The following MAN1A2 variants were observed in gnomAD, a reference collection of about 807,000 sequenced individuals.
MAN1A2 encodes the protein mannosidase alpha class 1A member 2.
Under a neutral mutation model 75.7 loss-of-function variants are expected in MAN1A2, and 26 were observed. The observed-to-expected ratio is 0.34, with a 90% CI of 0.25 to 0.48. The LOEUF is 0.48. Among genes scored for constraint, MAN1A2 ranks in the 20% least tolerant of loss-of-function variants. The probability of loss-of-function intolerance (pLI) is 0.99; values close to 1 mark genes in which losing one functional copy is unlikely to be tolerated. For missense variants in MAN1A2, 562 were observed against 775.5 expected (o/e 0.72, Z 3.27); for synonymous variants, 247 against 264.6 (o/e 0.93, Z 0.65).
chr1:117,370,738 A>AGTGTGTGTGTGTGTGTGTGT (rs71658400), intron 1 of MAN1A2, among the ~76,000 whole-genome samples: 19 of 148,214 alleles, frequency 1.3e-4, no homozygotes, highest in African/African-American at 4.0e-4. Context: ...ATCTTCATTT[A>AGTGTGTGTGTGTGTGTGTGT]GTGTGTGTGT....
intron 5 of MAN1A2, among the ~76,000 whole-genome samples, chr1:117,437,885 T>A (rs2101806591): frequency 6.6e-6 from 1 of 152,304 alleles, no homozygotes; most frequent in African/African-American, 2.4e-5. Context: ...GGAGAAAATT[T>A]GTTTATTTTA....
chr1:117,436,612 C>T (rs560114207), intron 5 of MAN1A2, among the ~76,000 whole-genome samples: 1 of 152,316 alleles, frequency 6.6e-6, no homozygotes, highest in South Asian at 2.1e-4. Flanking sequence ...CACAATTGTG[C>T]TTGTAGGGAT....
intron 5 of MAN1A2, among the ~76,000 whole-genome samples, chr1:117,437,469 A>T (rs528458302): frequency 1.3e-5 from 2 of 152,312 alleles, no homozygotes; most frequent in African/African-American, 4.8e-5. Context: ...AGAGGTATAC[A>T]CATCAATTAA....
At position 117,367,614 on chromosome 1, in the gene MAN1A2, T is replaced by G. The variant is rs1652809102; in HGVS notation, c.-570T>G. The G allele has an allele frequency of 6.6e-6, 1 of 152,344 alleles. No homozygotes were observed. The highest frequency in any genetic ancestry group is 6.5e-5 in the Admixed American group (1 of 15,294). The allele number at this position is 152,344 out of a possible 1,614,324, so 9.4% of individuals were successfully genotyped here. On this transcript the variant is annotated 5_prime_UTR_variant, in exon 1 of 13. Transcript: ENST00000356554. ...CCGGGAAGCGCGGGCGGCCGAGAACTCCTTCCTGCTACTTCGCCCAGCGCC... is the reference window on the plus strand; with the variant it reads ...CCGGGAAGCGCGGGCGGCCGAGAACGCCTTCCTGCTACTTCGCCCAGCGCC...
intron 5 of MAN1A2, among the ~76,000 whole-genome samples, chr1:117,429,215 C>T (rs1254699467): frequency 8.2e-5 from 12 of 145,558 alleles, no homozygotes; most frequent in African/African-American, 3.1e-4. Context: ...TCTACACAGA[C>T]ACGGCAACCA....
At chr1:117,503,350 G>C (rs1651258392) in intron 12 of MAN1A2, among the ~76,000 whole-genome samples, 2 of 151,382 alleles carry the variant, frequency 1.3e-5, no homozygotes, top group African/African-American at 2.4e-5. Context: ...TGCTGGTCCT[G>C]GACTCATACC....
rs529448621 is a variant in MAN1A2, at chr1:117,474,551, T to C, written c.1168+8124T>C. Among the ~76,000 whole-genome samples the C allele has an allele frequency of 2.8e-4, 43 of 151,296 alleles. No homozygotes were observed. In the South Asian group the frequency reaches 8.7e-3, roughly 31 times the overall value. ...ATATCTTTAGTAAAAATAGTATTTA[T>C]ATAGATTTAAAAAATTTCAGTTTGA... is the stretch of plus-strand genomic sequence containing the variant. On this transcript the variant is annotated intron_variant, in intron 8 of 12. Coordinates refer to ENST00000356554, the MANE Select transcript of MAN1A2 (RefSeq NM_006699.5).
intron 5 of MAN1A2, among the ~76,000 whole-genome samples, chr1:117,427,934 A>C (rs1189833976): frequency 2.6e-5 from 4 of 152,328 alleles, no homozygotes; most frequent in African/African-American, 9.6e-5. Context: ...AGGAAATGGA[A>C]CTACAAGATT....
At chr1:117,431,788 A>G (rs1255573830) in intron 5 of MAN1A2, among the ~76,000 whole-genome samples, 1 of 152,158 alleles carries the variant, frequency 6.6e-6, no homozygotes, top group Non-Finnish European at 1.5e-5. Flanking sequence ...CATCTCTACA[A>G]CAAATACAAA....
rs941880194 is a variant in MAN1A2 at position 117,517,566 on chromosome 1, A to C, written c.1794-5259A>C. Among the ~76,000 whole-genome samples the C allele has an allele frequency of 8.5e-5, 13 of 152,146 alleles. No individual in the cohort carries two copies. The East Asian group carries it at 1.7e-3, about 20-fold the overall frequency. On this transcript the variant is annotated intron_variant, in intron 12 of 12. Coordinates refer to ENST00000356554, the MANE Select transcript of MAN1A2 (RefSeq NM_006699.5). ...TAAAAATTAGTGAACTTGAAGACTT[A>C]GCAATGAAACTATCCAAAATGAAAC...
chr1:117,386,354 T>G (rs1570700426), intron 1 of MAN1A2, among the ~76,000 whole-genome samples: 1 of 152,272 alleles, frequency 6.6e-6, no homozygotes, highest in East Asian at 1.9e-4. Context: ...GAGAGGCAGC[T>G]TGGAAACATG....
chr1:117,489,991 G>T (rs1276901303), intron 8 of MAN1A2, among the ~76,000 whole-genome samples: 1 of 151,664 alleles, frequency 6.6e-6, no homozygotes, highest in East Asian at 1.9e-4. Context: ...CAGAGTTCAA[G>T]GATATAGGGC....
chr1:117,475,985 T>C (rs1650300254), intron 8 of MAN1A2, among the ~76,000 whole-genome samples: 1 of 152,196 alleles, frequency 6.6e-6, no homozygotes, highest in Non-Finnish European at 1.5e-5. Context: ...CCACCAACAA[T>C]GTAAAAGCAT....
At chr1:117,474,365 T>A (rs552865347) in intron 8 of MAN1A2, among the ~76,000 whole-genome samples, 90 of 147,180 alleles carry the variant, frequency 6.1e-4, no homozygotes, top group Non-Finnish European at 7.8e-4. Flanking sequence ...CAGTTTTATG[T>A]GGATCACCAG....
chr1:117,381,141 A>G (rs1425528394), intron 1 of MAN1A2, among the ~76,000 whole-genome samples: 1 of 151,824 alleles, frequency 6.6e-6, no homozygotes, highest in Non-Finnish European at 1.5e-5. Context: ...TTGTTCTCTT[A>G]ATTTTCTTTT....
chr1:117,472,250 ATCC>A (rs1650182872), intron 8 of MAN1A2, among the ~76,000 whole-genome samples: 1 of 152,050 alleles, frequency 6.6e-6, no homozygotes, highest in Admixed American at 6.6e-5. Flanking sequence ...GAAAAGGAAA[ATCC>A]TAAGTTAAAT....
intron 1 of MAN1A2, among the ~76,000 whole-genome samples, chr1:117,370,966 T>G (rs1210907172): frequency 6.6e-6 from 1 of 152,170 alleles, no homozygotes; most frequent in Admixed American, 6.5e-5. Context: ...AGCTTGCCAC[T>G]GATTAGATTT....
At chr1:117,429,612 G>T (rs1443889939) in intron 5 of MAN1A2, among the ~76,000 whole-genome samples, 1 of 108,044 alleles carries the variant, frequency 9.3e-6, no homozygotes, top group Admixed American at 8.4e-5. Flanking sequence ...CGGATGGGGC[G>T]GCTGGCCGGG....
At chr1:117,425,991 A>G (rs924141876) in intron 5 of MAN1A2, among the ~76,000 whole-genome samples, 8 of 152,114 alleles carry the variant, frequency 5.3e-5, no homozygotes, top group East Asian at 1.9e-4. Context: ...GCTTCCTTTA[A>G]CATTTTTTAT....
Sources: allele counts gnomAD v4.1 joint callset (sites outside exome capture counted in the v4.1 genomes callset), GRCh38; gene constraint gnomAD v4.1.1; transcripts MANE v1.5; gene names NCBI Gene and HGNC (gene_info 2026-07-23, HGNC 2026-07-21).